Variants in ZNF506 observed in about 807,000 individuals in gnomAD.
ZNF506 encodes the protein zinc finger protein 506.
A neutral mutation model predicts 11.6 loss-of-function variants in ZNF506; 10 were observed. That is an observed-to-expected ratio of 0.86 (90% CI 0.53 to 1.46). The LOEUF (loss-of-function observed/expected upper bound fraction) is 1.46. Ranked by LOEUF, ZNF506 falls within the 40% of genes most tolerant of loss-of-function variation. ZNF506 has a pLI of 0.00. For synonymous variants in ZNF506, 156 were observed against 173.3 expected, an observed-to-expected ratio of 0.90 and a Z score of 0.78; for missense variants, 425 against 521.2, an observed-to-expected ratio of 0.82 and a Z score of 1.80.
chr19:19,795,007 A>C lies in ZNF506; in HGVS notation c.880T>G (p.Phe294Val). 6.2e-7 allele frequency: 1 copy of C among 1,613,868 alleles called. No homozygotes were observed. Among genetic ancestry groups the C allele is most frequent in the South Asian group, 1.1e-5 (1 of 91,068 alleles). Reference sequence around the variant, plus strand: ...TTAGTAAGGGTTGAGGATGAAATAAAGGCTTTGCCACATTTATCACACTTG... The same window carrying C: ...TTAGTAAGGGTTGAGGATGAAATAACGGCTTTGCCACATTTATCACACTTG... ...PYKCDKCGKAFISSSTLTKHE... is the reference protein window; with the variant it reads ...PYKCDKCGKAVISSSTLTKHE... The change falls in exon 4 of 4, where the codon TTT becomes GTT. Residue 294 changes from phenylalanine (F) to valine (V), a missense_variant. Physicochemically the swap from Phe to Val is conservative, Grantham distance 50. Coordinates refer to ENST00000540806, the MANE Select transcript of ZNF506 (RefSeq NM_001099269.3).
At chr19:19,815,306 G>A (rs1290307279) in intron 1 of ZNF506, among the ~76,000 whole-genome samples, 1 of 152,212 alleles carries the variant, frequency 6.6e-6, no homozygotes, top group South Asian at 2.1e-4. Context: ...CCATTGTGAG[G>A]TTCCTGAGGG....
Position 19,807,125 on chromosome 19 carries a change from T to G in ZNF506, c.4-57A>C. 4 of 1,607,890 alleles carry G rather than the reference T, an allele frequency of 2.5e-6. No individual in the cohort carries two copies. The South Asian group carries it at 3.3e-5, about 13-fold the overall frequency. On this transcript the variant is annotated intron_variant, in intron 1 of 3. Coordinates refer to ENST00000540806, the MANE Select transcript of ZNF506 (RefSeq NM_001099269.3). ...AGTGGCCATGGGTGGAATTTTTAATTTGACTTCAGGTGAAATGAGAGAGTA... is the reference window on the plus strand; with the variant it reads ...AGTGGCCATGGGTGGAATTTTTAATGTGACTTCAGGTGAAATGAGAGAGTA...
intron 1 of ZNF506, among the ~76,000 whole-genome samples, chr19:19,808,107 A>ATTTTT (rs2062849835): frequency 9.1e-5 from 5 of 55,134 alleles, no homozygotes; most frequent in Admixed American, 1.7e-4. Context: ...ATCATTAACC[A>ATTTTT]CTTTTTTTTT....
chr19:19,802,763 C>T (rs2062805546), intron 3 of ZNF506, among the ~76,000 whole-genome samples: 1 of 152,048 alleles, frequency 6.6e-6, no homozygotes, highest in Non-Finnish European at 1.5e-5. Flanking sequence ...AAATAGAAAA[C>T]AGAAAGTAAA....
chr19:19,821,473 T>C (rs2062966565), intron 1 of ZNF506, 128 bp downstream of exon 1: 5 of 1,263,988 alleles, frequency 4.0e-6, no homozygotes, highest in Non-Finnish European at 5.8e-6. Context: ...AATGAGAACT[T>C]GGAGCGCAGA....
intron 3 of ZNF506, chr19:19,798,145 TAC>T (rs1291969070): frequency 6.6e-6 from 1 of 152,200 alleles, no homozygotes. Flanking sequence ...ATCATAATGG[TAC>T]AGTTTAAAAG....
intron 3 of ZNF506, chr19:19,797,967 C>T (rs1469327651): frequency 2.0e-5 from 3 of 152,174 alleles, no homozygotes; most frequent in Non-Finnish European, 2.9e-5. Flanking sequence ...ATTGGCACTG[C>T]ATATGCCCTA....
At chr19:19,815,579 A>G (rs988593980) in intron 1 of ZNF506, among the ~76,000 whole-genome samples, 6 of 152,212 alleles carry the variant, frequency 3.9e-5, no homozygotes, top group African/African-American at 1.2e-4. Flanking sequence ...CCTCCGTGGT[A>G]TCTTTTTTCT....
rs575108111 is a variant in ZNF506, at chr19:19,814,240, A to C, written c.4-7172T>G. Among the ~76,000 whole-genome samples, 25 of 151,872 alleles carry C rather than the reference A, an allele frequency of 1.6e-4. No homozygotes were observed. In the South Asian group the frequency reaches 3.5e-3, roughly 21 times the overall value. On this transcript the variant is annotated intron_variant, in intron 1 of 3. Transcript: ENST00000540806. ...CCTGACCAACATGGAGAAACCCCGT[A>C]TCTACTAAAGATACAAAATTATCCG...
At chr19:19,815,453 C>T (rs1485485535) in intron 1 of ZNF506, among the ~76,000 whole-genome samples, 1 of 152,092 alleles carries the variant, frequency 6.6e-6, no homozygotes, top group African/African-American at 2.4e-5. Flanking sequence ...ATTTTCAGTC[C>T]TCTGTCACCC....
intron 3 of ZNF506, among the ~76,000 whole-genome samples, chr19:19,803,208 G>A (rs940290934): frequency 6.6e-6 from 1 of 152,172 alleles, no homozygotes; most frequent in African/African-American, 2.4e-5. Flanking sequence ...CTAACTATCC[G>A]AAACTCCTCC....
At position 19,794,820 on chromosome 19, in the gene ZNF506, A is replaced by G; in HGVS notation, c.1067T>C (p.Leu356Pro). 6.2e-7 allele frequency: 1 copy of G among 1,613,848 alleles called. No individual in the cohort carries two copies. Residue 356 changes from leucine (L) to proline (P), a missense_variant, in exon 4 of 4, where the codon CTC becomes CCC. Transcript: ENST00000540806. ...AGTATGAGCTCTCTTATGTTTAGAG[A>G]GGCTTGAGTACCAGGTAAAGGTTTT... ...CGKTFTWYSS[L>P]SKHKRAHTGE...
Position 19,794,683 on chromosome 19 carries a change from A to G in ZNF506, c.1204T>C (p.Cys402Arg), listed in dbSNP as rs772601954. ...GAGGACCAGTTAAAAGCTTTGCCAC[A>G]TTCTTCACATTTGTACGGTTTCTCT... ...TGEKPYKCEE[C>R]GKAFNWSSAL... Residue 402 changes from cysteine (C) to arginine (R), a missense_variant, in exon 4 of 4, where the codon TGT (cysteine) becomes CGT (arginine). Coordinates refer to ENST00000540806, the MANE Select transcript of ZNF506 (RefSeq NM_001099269.3). 55 of 1,614,030 alleles carry G rather than the reference A, an allele frequency of 3.4e-5. No individual in the cohort carries two copies. Among genetic ancestry groups the G allele is most frequent in the Admixed American group, 5.0e-5 (3 of 60,010 alleles).
At position 19,794,393 on chromosome 19, in the gene ZNF506, G is replaced by A; in HGVS notation, c.*159C>T. On this transcript the variant is annotated 3_prime_UTR_variant, in exon 4 of 4. Coordinates refer to ENST00000540806, the MANE Select transcript of ZNF506 (RefSeq NM_001099269.3). ...AGGGTTTCTGTCCAGTATAAATTAT[G>A]TGTAATAAGGGTTGAGAACTTCCTT... 3.0e-6 allele frequency: 2 copies of A among 657,616 alleles called. No homozygotes were observed. Among genetic ancestry groups the A allele is most frequent in the Non-Finnish European group, 5.0e-6 (2 of 400,944 alleles). 40.7% of individuals were successfully genotyped at this position (657,616 alleles called of 1,614,324 possible). A position where few individuals can be genotyped will look rare whatever the true frequency, so the allele number is the denominator to read the frequency against.
chr19:19,812,291 A>G (rs7248808), intron 1 of ZNF506, among the ~76,000 whole-genome samples: 69,352 of 152,178 alleles, frequency 0.46, 16,660 homozygotes, highest in East Asian at 0.7. Context: ...ATTCCCAGTC[A>G]CCCTGGGCCG....
At chr19:19,820,903 C>T (rs1003323076) in intron 1 of ZNF506, among the ~76,000 whole-genome samples, 1 of 151,842 alleles carries the variant, frequency 6.6e-6, no homozygotes, top group African/African-American at 2.4e-5. Flanking sequence ...CCCCCCTCCC[C>T]GTTTGTGTTT....
chr19:19,808,896 A>G (rs2062862264), intron 1 of ZNF506, among the ~76,000 whole-genome samples: 2 of 151,884 alleles, frequency 1.3e-5, no homozygotes, highest in Admixed American at 1.3e-4. Context: ...TAAAATACAG[A>G]TTACTCCTCT....
At chr19:19,803,288 G>A (rs2145184614) in intron 3 of ZNF506, among the ~76,000 whole-genome samples, 1 of 152,284 alleles carries the variant, frequency 6.6e-6, no homozygotes, top group African/African-American at 2.4e-5. Context: ...CAGCCACGTA[G>A]GCAGGCCTGC....
chr19:19,818,602 C>A (rs1599530560), intron 1 of ZNF506, among the ~76,000 whole-genome samples: 1 of 152,246 alleles, frequency 6.6e-6, no homozygotes, highest in South Asian at 2.1e-4. Flanking sequence ...GAATTATTAA[C>A]AAATAGAATG....
Sources: allele counts gnomAD v4.1 joint callset (sites outside exome capture counted in the v4.1 genomes callset), GRCh38; gene constraint gnomAD v4.1.1; transcripts MANE v1.5; gene names NCBI Gene and HGNC (gene_info 2026-07-23, HGNC 2026-07-21).